CAST: variants seen among roughly 807,000 people sequenced by gnomAD.
The protein encoded by CAST is MIR583 host.
Under a neutral mutation model 119.6 loss-of-function variants are expected in CAST, and 76 were observed. That is an observed-to-expected ratio of 0.64 (90% CI 0.53 to 0.77). The LOEUF (loss-of-function observed/expected upper bound fraction) is 0.77, where lower values mean the gene tolerates loss of function less well. CAST is among the 30% of genes least tolerant of loss of function. CAST has a pLI of 0.00. For missense variants in CAST, 953 were observed against 946.5 expected (o/e 1.01, Z -0.09); for synonymous variants, 319 against 331.6 (o/e 0.96, Z 0.41).
the CAST span, among the ~76,000 whole-genome samples, chr5:96,033,558 C>T: frequency 6.6e-6 from 1 of 152,188 alleles, no homozygotes; most frequent in East Asian, 1.9e-4. Flanking sequence ...AAAGGGCAAT[C>T]TCTTCAAGAA....
the CAST span, among the ~76,000 whole-genome samples, chr5:95,964,226 C>T: frequency 2.1e-4 from 32 of 152,138 alleles, no homozygotes; most frequent in Admixed American, 3.9e-4. Context: ...GTACACATTA[C>T]GCCTGCCTGA....
chr5:96,224,775 A>G, the CAST span, among the ~76,000 whole-genome samples: 3 of 152,346 alleles, frequency 2.0e-5, no homozygotes, highest in East Asian at 5.8e-4. Context: ...TTACCTTCTC[A>G]GATGATGCAT....
chr5:96,208,980 A>C, the CAST span, among the ~76,000 whole-genome samples: 8 of 152,018 alleles, frequency 5.3e-5, no homozygotes, highest in Admixed American at 2.0e-4. Flanking sequence ...GTCTCTAACA[A>C]GTTGTTTTAT....
intron 1 of CAST, among the ~76,000 whole-genome samples, chr5:96,615,943 G>T (rs1747448202): frequency 6.6e-6 from 1 of 152,152 alleles, no homozygotes; most frequent in Non-Finnish European, 1.5e-5. Flanking sequence ...CAAAACTGAA[G>T]AACTGGGAGT....
intron 2 of CAST, among the ~76,000 whole-genome samples, chr5:96,688,183 G>A (rs1752292582): frequency 1.3e-5 from 2 of 152,166 alleles, no homozygotes; most frequent in South Asian, 4.1e-4. Flanking sequence ...ATGTTAGGAT[G>A]TGTGTGTGTT....
At chr5:96,168,633 A>G in the CAST span, among the ~76,000 whole-genome samples, 1 of 152,198 alleles carries the variant, frequency 6.6e-6, no homozygotes, top group Non-Finnish European at 1.5e-5. Flanking sequence ...TGGAACTGCC[A>G]TCAATAATCC....
chr5:96,675,797 G>C, intron 2 of CAST, 196 bp downstream of exon 2: 2 of 512,816 alleles, frequency 3.9e-6, no homozygotes, highest in Non-Finnish European at 6.8e-6. Flanking sequence ...CCTGGGAATA[G>C]AGCCTGTATG....
chr5:96,365,127 A>T, the CAST span, among the ~76,000 whole-genome samples: 2 of 152,070 alleles, frequency 1.3e-5, no homozygotes, highest in Admixed American at 6.6e-5. Flanking sequence ...CATGTAGTTG[A>T]GCGGTTTTGA....
chr5:96,250,118 T>C, the CAST span, among the ~76,000 whole-genome samples: 1 of 152,198 alleles, frequency 6.6e-6, no homozygotes, highest in African/African-American at 2.4e-5. Context: ...TCCTTCACCC[T>C]TTCTCAAATG....
the CAST span, among the ~76,000 whole-genome samples, chr5:96,178,925 C>A: frequency 6.6e-6 from 1 of 152,166 alleles, no homozygotes; most frequent in Non-Finnish European, 1.5e-5. Flanking sequence ...CTTCTGTGTT[C>A]CTGATCTCAA....
the CAST span, among the ~76,000 whole-genome samples, chr5:96,474,855 T>C: frequency 6.6e-6 from 1 of 152,180 alleles, no homozygotes; most frequent in Admixed American, 6.5e-5. Context: ...CTTTGAATAA[T>C]GAGATGGTGT....
chr5:96,200,306 C>T, the CAST span, among the ~76,000 whole-genome samples: 1 of 152,102 alleles, frequency 6.6e-6, no homozygotes, highest in South Asian at 2.1e-4. Flanking sequence ...TAGATGTCCT[C>T]CTCTCTATAG....
chr5:96,664,128 CAAGA>C (rs1748981437), intron 1 of CAST, among the ~76,000 whole-genome samples: 1 of 151,962 alleles, frequency 6.6e-6, no homozygotes. Flanking sequence ...GTATAAGAAT[CAAGA>C]AAGAAACTGT....
the CAST span, chr5:96,412,440 T>C: frequency 5.6e-6 from 9 of 1,613,954 alleles, no homozygotes; most frequent in East Asian, 2.2e-5. Context: ...TTGAATCCAA[T>C]TGAACTGGCC....
chr5:96,048,816 C>T, the CAST span, among the ~76,000 whole-genome samples: 3 of 152,138 alleles, frequency 2.0e-5, no homozygotes, highest in Non-Finnish European at 4.4e-5. Context: ...AAAGCTCCTT[C>T]TGAAAAGAGC....
the CAST span, among the ~76,000 whole-genome samples, chr5:96,137,712 G>T: frequency 3.3e-5 from 5 of 152,126 alleles, 1 homozygote; most frequent in East Asian, 1.9e-4. Context: ...GTGGTATCTT[G>T]TTGTTTTAAT....
chr5:96,407,975 A>ATGGGTT, the CAST span, among the ~76,000 whole-genome samples: 3 of 152,344 alleles, frequency 2.0e-5, no homozygotes, highest in Admixed American at 2.0e-4. Context: ...ATATTGTAGA[A>ATGGGTT]TGGGTTTTAA....
chr5:96,511,780 G>A, the CAST span, among the ~76,000 whole-genome samples: 1 of 152,202 alleles, frequency 6.6e-6, no homozygotes. Flanking sequence ...CCTAGAGAAA[G>A]ACAAATCAAG....
At chr5:96,297,570 A>AT in the CAST span, among the ~76,000 whole-genome samples, 4 of 152,060 alleles carry the variant, frequency 2.6e-5, no homozygotes, top group African/African-American at 9.7e-5. Flanking sequence ...CCCATGGCAC[A>AT]TTTTTTTATG....
Sources: gnomAD v4.1 joint callset for allele counts (sites outside exome capture counted in the v4.1 genomes callset) on GRCh38, gnomAD v4.1.1 for gene constraint, MANE v1.5 for transcripts, NCBI Gene and HGNC (gene_info 2026-07-23, HGNC 2026-07-21) for gene names.